Variants in TMC7 observed in about 807,000 individuals in gnomAD.
TMC7 encodes transmembrane channel-like protein 7.
TMC7 carries 54 observed loss-of-function variants against 82.9 expected under a neutral mutation model. The observed-to-expected ratio is 0.65, with a 90% CI of 0.52 to 0.82. The LOEUF (loss-of-function observed/expected upper bound fraction) is 0.82, where lower values mean the gene tolerates loss of function less well. TMC7 is among the 40% of genes least tolerant of loss of function. TMC7 has a pLI of 0.00. For synonymous variants in TMC7, 350 were observed against 337.9 expected, an observed-to-expected ratio of 1.04 and a Z score of -0.39; for missense variants, 820 against 901.2, an observed-to-expected ratio of 0.91 and a Z score of 1.15.
At chr16:19,054,716 C>CA (rs1183741068) in intron 13 of TMC7, among the ~76,000 whole-genome samples, 65 of 101,594 alleles carry the variant, frequency 6.4e-4, no homozygotes, top group Admixed American at 2.5e-3. Context: ...AACTCTGTCT[C>CA]AAAAAAAAAA....
intron 2 of TMC7, among the ~76,000 whole-genome samples, chr16:19,011,792 T>C (rs894218191): frequency 6.6e-6 from 1 of 152,090 alleles, no homozygotes; most frequent in Non-Finnish European, 1.5e-5. Flanking sequence ...ATACATTATC[T>C]TTGGTTTTAT....
chr16:19,030,415 G>C (rs774261095), intron 6 of TMC7, 46 bp downstream of exon 6: 2 of 1,565,892 alleles, frequency 1.3e-6, no homozygotes, highest in Non-Finnish European at 1.7e-6. Context: ...CTGATGGCTG[G>C]AGGCTATTGG....
intron 3 of TMC7, among the ~76,000 whole-genome samples, chr16:19,020,786 A>C (rs559723377): frequency 1.1e-4 from 16 of 152,144 alleles, no homozygotes; most frequent in Non-Finnish European, 2.2e-4. Flanking sequence ...CAGGAGGCAG[A>C]GGTTGCAGTG....
At chr16:18,990,649 T>C (rs968301229) in intron 1 of TMC7, among the ~76,000 whole-genome samples, 1 of 152,200 alleles carries the variant, frequency 6.6e-6, no homozygotes, top group Non-Finnish European at 1.5e-5. Flanking sequence ...GGGATTATCG[T>C]TGGTTCTTAT....
At chr16:19,011,312 G>C (rs978257763) in intron 2 of TMC7, among the ~76,000 whole-genome samples, 2 of 152,010 alleles carry the variant, frequency 1.3e-5, no homozygotes, top group African/African-American at 4.8e-5. Context: ...CTGGTGTAAT[G>C]ACAGAGGTGG....
chr16:19,053,682 C>T (rs976982212), intron 13 of TMC7, among the ~76,000 whole-genome samples: 3 of 152,078 alleles, frequency 2.0e-5, no homozygotes, highest in African/African-American at 4.8e-5. Flanking sequence ...GGATTACAGG[C>T]GTGAGCCACT....
intron 5 of TMC7, among the ~76,000 whole-genome samples, chr16:19,026,768 T>A (rs1010076644): frequency 1.3e-5 from 2 of 152,122 alleles, no homozygotes; most frequent in Non-Finnish European, 2.9e-5. Context: ...AACTCTTTTT[T>A]GTTTGTTTTT....
intron 1 of TMC7, among the ~76,000 whole-genome samples, chr16:19,003,254 G>A (rs1391298671): frequency 6.6e-6 from 1 of 152,136 alleles, no homozygotes; most frequent in Admixed American, 6.6e-5. Flanking sequence ...TGGGAGGATC[G>A]CTTGAGCCCA....
chr16:18,988,330 T>G (rs955203902), intron 1 of TMC7, among the ~76,000 whole-genome samples: 5 of 151,866 alleles, frequency 3.3e-5, no homozygotes, highest in African/African-American at 1.2e-4. Flanking sequence ...AATTTTTGTA[T>G]TTTTGGTAGA....
intron 3 of TMC7, among the ~76,000 whole-genome samples, chr16:19,017,305 A>G (rs1048579763): frequency 6.6e-5 from 10 of 150,902 alleles, no homozygotes; most frequent in Non-Finnish European, 1.5e-4. Context: ...AAATGCATGA[A>G]TAGTATTATT....
chr16:18,987,620 C>T (rs969989033), intron 1 of TMC7, among the ~76,000 whole-genome samples: 4 of 152,128 alleles, frequency 2.6e-5, no homozygotes, highest in Admixed American at 6.6e-5. Flanking sequence ...GCAGTCTTTC[C>T]TAGAATGTGG....
At chr16:19,010,228 C>T (rs1302323890) in intron 2 of TMC7, among the ~76,000 whole-genome samples, 1 of 141,356 alleles carries the variant, frequency 7.1e-6, no homozygotes, top group African/African-American at 2.6e-5. Context: ...GATCTTGGCT[C>T]ACGGCAACCT....
intron 5 of TMC7, among the ~76,000 whole-genome samples, chr16:19,025,830 T>C (rs1960199005): frequency 6.6e-6 from 1 of 151,708 alleles, no homozygotes; most frequent in Non-Finnish European, 1.5e-5. Flanking sequence ...TCTTGGCTCA[T>C]TGCAACCTCT....
At chr16:18,994,928 G>T (rs1361187819) in intron 1 of TMC7, among the ~76,000 whole-genome samples, 1 of 152,074 alleles carries the variant, frequency 6.6e-6, no homozygotes, top group African/African-American at 2.4e-5. Context: ...GGATGGTAAG[G>T]GGTGCATGAT....
rs779069575 is a variant in TMC7 at position 19,045,389 on chromosome 16, G to A, written c.1504G>A (p.Asp502Asn). The change falls in exon 11 of 16, where the codon GAC becomes AAC. Residue 502 changes from aspartate to asparagine, a missense_variant. Physicochemically the swap from Asp to Asn is conservative, Grantham distance 23. This residue lies in a region of TMC7 where 650 missense variants were observed against 669.9 expected (regional missense o/e 0.97). Coordinates refer to ENST00000304381, the MANE Select transcript of TMC7 (RefSeq NM_024847.4). ...GQEMYKLMIF[D>N]FIIILAVTLF... The stretch of plus-strand genomic sequence containing the variant: ...GGAAATGTACAAGCTGATGATCTTC[G>A]ACTTCATCATCATCTTGGCTGTGAC... 3.1e-6 allele frequency: 5 copies of A among 1,613,720 alleles called. No individual in the cohort carries two copies. Among genetic ancestry groups the A allele is most frequent in the Non-Finnish European group, 4.2e-6 (5 of 1,179,990 alleles).
intron 12 of TMC7, among the ~76,000 whole-genome samples, chr16:19,051,329 G>A (rs1381738033): frequency 6.7e-6 from 1 of 148,522 alleles, no homozygotes; most frequent in Non-Finnish European, 1.5e-5. Context: ...GTATACATGT[G>A]CCATGTTGTT....
intron 1 of TMC7, chr16:18,984,407 C>G (rs1414394824): frequency 1.6e-6 from 2 of 1,247,808 alleles, no homozygotes; most frequent in Non-Finnish European, 2.0e-6. Flanking sequence ...AGCTGTTGAC[C>G]GAGACAGTCT....
At chr16:19,024,260 G>A (rs4782192) in intron 5 of TMC7, among the ~76,000 whole-genome samples, 140,378 of 152,104 alleles carry the variant, frequency 0.92, 65,208 homozygotes, top group Non-Finnish European at 0.97. Context: ...TCTCTACACA[G>A]AATAAACAGA....
At chr16:19,034,347 C>A (rs955277768) in intron 6 of TMC7, among the ~76,000 whole-genome samples, 14 of 151,950 alleles carry the variant, frequency 9.2e-5, no homozygotes, top group African/African-American at 2.9e-4. Context: ...GCCTGTAATC[C>A]CAGCGCTTTG....
Sources: allele counts gnomAD v4.1 joint callset (sites outside exome capture counted in the v4.1 genomes callset), GRCh38; gene constraint gnomAD v4.1.1; regional missense constraint gnomAD v4.1.1; transcripts MANE v1.5; gene names NCBI Gene and HGNC (gene_info 2026-07-23, HGNC 2026-07-21).